The following NCKAP5 variants were observed in gnomAD, a reference collection of about 807,000 sequenced individuals.
The protein encoded by NCKAP5 is NCK associated protein 5.
In NCKAP5, 92 loss-of-function variants were observed where a neutral mutation model predicts 167.0. The observed-to-expected ratio is 0.55, with a 90% CI of 0.47 to 0.66. The LOEUF (loss-of-function observed/expected upper bound fraction) is 0.66, where lower values mean the gene tolerates loss of function less well. Among genes scored for constraint, NCKAP5 ranks in the 30% least tolerant of loss-of-function variants. NCKAP5 has a pLI of 0.00. For synonymous variants in NCKAP5, 891 were observed against 877.4 expected (o/e 1.02, Z -0.27); for missense variants, 2,378 against 2,315.0 (o/e 1.03, Z -0.56).
At chr2:132,748,789 C>CT (rs879810192) in intron 16 of NCKAP5, among the ~76,000 whole-genome samples, 2,572 of 147,032 alleles carry the variant, frequency 0.017, 55 homozygotes, top group African/African-American at 0.058. Context: ...AGTCAGGATA[C>CT]TTTTTTTTTT....
chr2:132,840,107 C>T (rs1193778705), intron 11 of NCKAP5, among the ~76,000 whole-genome samples: 1 of 152,060 alleles, frequency 6.6e-6, no homozygotes, highest in Non-Finnish European at 1.5e-5. Flanking sequence ...TTCTCTGGTT[C>T]TTAGAGCACT....
At chr2:133,095,658 G>T (rs1203739818) in intron 6 of NCKAP5, among the ~76,000 whole-genome samples, 1 of 152,204 alleles carries the variant, frequency 6.6e-6, no homozygotes, top group Non-Finnish European at 1.5e-5. Flanking sequence ...ACAACTGTGA[G>T]AAAAACTAAA....
chr2:133,435,181 G>A (rs1447764928), intron 3 of NCKAP5, among the ~76,000 whole-genome samples: 1 of 152,144 alleles, frequency 6.6e-6, no homozygotes, highest in Non-Finnish European at 1.5e-5. Flanking sequence ...GGGTGGGAAT[G>A]TTTCAGGGAG....
chr2:133,666,583 C>A, the NCKAP5 span, among the ~76,000 whole-genome samples: 1 of 151,878 alleles, frequency 6.6e-6, no homozygotes, highest in Non-Finnish European at 1.5e-5. Context: ...AGATTATTTT[C>A]AATTTTTCAC....
intron 5 of NCKAP5, among the ~76,000 whole-genome samples, chr2:133,160,058 G>T (rs1241076216): frequency 6.6e-6 from 1 of 152,200 alleles, no homozygotes; most frequent in Non-Finnish European, 1.5e-5. Flanking sequence ...TTTGAACAAA[G>T]ATTCAGCAGC....
rs72989537 is a variant in NCKAP5, at chr2:132,759,885, T to C, written c.5128+13931A>G. Among the ~76,000 whole-genome samples the C allele has an allele frequency of 7.6e-4, 115 of 152,158 alleles. 1 individual carries two copies. Among genetic ancestry groups the C allele is most frequent in the African/African-American group, 2.7e-3 (113 of 41,570 alleles). On this transcript the variant is annotated intron_variant, in intron 16 of 19. Coordinates refer to ENST00000409261, the MANE Select transcript of NCKAP5 (RefSeq NM_207363.3). ...TCCAGCTTTTCTGTATTTTTCTTTT[T>C]TTTCATGTTTTCTTTTGGTTTGTGT...
chr2:133,191,652 G>A (rs531232729), intron 5 of NCKAP5, among the ~76,000 whole-genome samples: 66 of 152,222 alleles, frequency 4.3e-4, no homozygotes, highest in African/African-American at 1.5e-3. Context: ...ATCATTCTGA[G>A]CAAACTATTG....
chr2:133,462,318 G>A (rs1211052701), intron 3 of NCKAP5, among the ~76,000 whole-genome samples: 1 of 152,040 alleles, frequency 6.6e-6, no homozygotes, highest in Non-Finnish European at 1.5e-5. Flanking sequence ...ATAATGGATG[G>A]GCAGATGTCT....
chr2:133,310,085 C>T lies in NCKAP5; in HGVS notation c.70-6975G>A, dbSNP rs981596872. Among the ~76,000 whole-genome samples, 6 of 151,986 alleles carry T rather than the reference C, an allele frequency of 3.9e-5. No individual in the cohort carries two copies. The East Asian group carries it at 5.8e-4, about 15-fold the overall frequency. On this transcript the variant is annotated intron_variant, in intron 3 of 19. Transcript: ENST00000409261. ...CTACCACAACAAAGTAATTTTTAAG[C>T]GGGGGAGGGCATCAGTTCTTCTCTT...
chr2:133,326,474 A>G (rs1259795819), intron 3 of NCKAP5, among the ~76,000 whole-genome samples: 3 of 151,340 alleles, frequency 2.0e-5, no homozygotes, highest in Admixed American at 2.0e-4. Context: ...AAAAAAAAAA[A>G]AAAAAAGAGA....
chr2:133,281,853 A>T (rs946980703), intron 4 of NCKAP5, among the ~76,000 whole-genome samples: 1 of 152,216 alleles, frequency 6.6e-6, no homozygotes, highest in South Asian at 2.1e-4. Context: ...AGAAACCACC[A>T]TCTTGAGAGC....
At chr2:133,566,127 C>T (rs886323441) in intron 1 of NCKAP5, among the ~76,000 whole-genome samples, 8 of 151,970 alleles carry the variant, frequency 5.3e-5, no homozygotes, top group Middle Eastern at 3.2e-3. Context: ...GGGTAATGGA[C>T]GGGTGTATGC....
intron 6 of NCKAP5, among the ~76,000 whole-genome samples, chr2:133,124,640 T>G (rs896985592): frequency 6.6e-6 from 1 of 152,240 alleles, no homozygotes; most frequent in Non-Finnish European, 1.5e-5. Context: ...ATACGGTGTT[T>G]TGTTCATATA....
the NCKAP5 span, among the ~76,000 whole-genome samples, chr2:133,652,615 T>C: frequency 6.6e-6 from 1 of 152,248 alleles, no homozygotes; most frequent in Non-Finnish European, 1.5e-5. Flanking sequence ...ATTTGCTTTA[T>C]ATAGCTGTCA....
intron 16 of NCKAP5, among the ~76,000 whole-genome samples, chr2:132,766,258 G>A (rs377410171): frequency 1.9e-5 from 2 of 104,760 alleles, no homozygotes; most frequent in East Asian, 3.3e-4. Context: ...CCAGCCTGGC[G>A]AAACAGTGAG....
In NCKAP5 at chr2:132,871,810, A is replaced by G. The variant is rs1008420812; in HGVS notation, c.649-2836T>C. On this transcript the variant is annotated intron_variant, in intron 9 of 19. Coordinates refer to ENST00000409261, the MANE Select transcript of NCKAP5 (RefSeq NM_207363.3). The stretch of plus-strand genomic sequence containing the variant: ...TCACTGCGCTTCTTTGAAAAATATC[A>G]GGCAGATTATAGACATGCTTTCCTC... 4.6e-5 allele frequency among the ~76,000 whole-genome samples: 7 copies of G among 152,226 alleles called. No individual in the cohort carries two copies. The East Asian group carries it at 1.3e-3, about 29-fold the overall frequency.
chr2:132,752,290 T>C (rs1021747382), intron 16 of NCKAP5, among the ~76,000 whole-genome samples: 38 of 152,244 alleles, frequency 2.5e-4, no homozygotes, highest in Non-Finnish European at 2.8e-4. Context: ...AACAAACATC[T>C]CTGCAGAAGG....
At chr2:132,851,594 G>T (rs1315324202) in intron 11 of NCKAP5, among the ~76,000 whole-genome samples, 2 of 152,170 alleles carry the variant, frequency 1.3e-5, no homozygotes, top group Non-Finnish European at 2.9e-5. Flanking sequence ...TCCCAAGGAG[G>T]CTCAGCCTGT....
At chr2:133,450,124 C>T (rs1027747110) in intron 3 of NCKAP5, among the ~76,000 whole-genome samples, 10 of 151,982 alleles carry the variant, frequency 6.6e-5, no homozygotes, top group African/African-American at 1.2e-4. Flanking sequence ...TCAACACACA[C>T]GCACACACAC....
Sources: allele counts gnomAD v4.1 joint callset (sites outside exome capture counted in the v4.1 genomes callset), GRCh38; gene constraint gnomAD v4.1.1; transcripts MANE v1.5; gene names NCBI Gene and HGNC (gene_info 2026-07-23, HGNC 2026-07-21).